The following ATP10B variants were observed in gnomAD, a reference collection of about 807,000 sequenced individuals.
The protein encoded by ATP10B is phospholipid-transporting ATPase VB.
In ATP10B, 122 loss-of-function variants were observed where a neutral mutation model predicts 141.2. The ratio of observed to expected loss-of-function variants is 0.86; its 90% confidence interval spans 0.75 to 1.00. The LOEUF is 1.00. ATP10B is among the 50% of genes least tolerant of loss of function. The probability of loss-of-function intolerance (pLI) is 0.00; values close to 1 mark genes in which losing one functional copy is unlikely to be tolerated. For synonymous variants in ATP10B, 685 were observed against 692.0 expected, an observed-to-expected ratio of 0.99 and a Z score of 0.16; for missense variants, 1,876 against 1,825.3, an observed-to-expected ratio of 1.03 and a Z score of -0.51.
the ATP10B span, among the ~76,000 whole-genome samples, chr5:160,919,605 A>G: frequency 2.0e-5 from 3 of 152,202 alleles, no homozygotes; most frequent in Non-Finnish European, 4.4e-5. Flanking sequence ...TGTATTTTGA[A>G]AAGATGATTC....
chr5:160,582,401 A>G (rs1322810891), intron 24 of ATP10B, among the ~76,000 whole-genome samples: 1 of 152,162 alleles, frequency 6.6e-6, no homozygotes, highest in East Asian at 1.9e-4. Context: ...TCCTTTGCTT[A>G]TGAAGCTTAG....
chr5:160,566,017 G>C lies in ATP10B; in HGVS notation c.3939-117C>G. The C allele has an allele frequency of 4.2e-6, 4 of 960,382 alleles. No homozygotes were observed. In the South Asian group the frequency reaches 5.1e-5, roughly 12 times the overall value. The allele number at this position is 960,382 out of a possible 1,614,324, so 59.5% of individuals were successfully genotyped here. A position where few individuals can be genotyped will look rare whatever the true frequency, so the allele number is the denominator to read the frequency against. On this transcript the variant is annotated intron_variant, in intron 25 of 25. Coordinates refer to ENST00000327245, the MANE Select transcript of ATP10B (RefSeq NM_025153.3). ...TGCCTGGAGCAAGATCCTCTTTACT[G>C]CTATTAAATCCATGTCTGGGCACCT...
chr5:160,599,165 C>T (rs1190512562), intron 21 of ATP10B, among the ~76,000 whole-genome samples, 195 bp from the exon 22 acceptor site: 1 of 152,216 alleles, frequency 6.6e-6, no homozygotes, highest in Non-Finnish European at 1.5e-5. Flanking sequence ...TTGCTACTAA[C>T]ATTCTTCAGG....
intron 24 of ATP10B, among the ~76,000 whole-genome samples, chr5:160,575,784 G>C (rs1755155296): frequency 6.6e-6 from 1 of 152,036 alleles, no homozygotes. Flanking sequence ...CATTGGCCAG[G>C]CTCTTTTGAC....
At chr5:160,775,346 C>A (rs2127866470) in intron 2 of ATP10B, among the ~76,000 whole-genome samples, 2 of 152,140 alleles carry the variant, frequency 1.3e-5, no homozygotes, top group Middle Eastern at 6.8e-3. Context: ...GTCAAAGTCC[C>A]ACTGCCTGAT....
the ATP10B span, among the ~76,000 whole-genome samples, chr5:160,926,814 C>T: frequency 6.6e-6 from 1 of 152,236 alleles, no homozygotes; most frequent in African/African-American, 2.4e-5. Flanking sequence ...CTAGAAGTCA[C>T]TTCCTCTGAT....
At chr5:160,818,656 C>A (rs1398494457) in intron 1 of ATP10B, among the ~76,000 whole-genome samples, 1 of 152,150 alleles carries the variant, frequency 6.6e-6, no homozygotes, top group Non-Finnish European at 1.5e-5. Flanking sequence ...TGGGTATATA[C>A]CCAAAGGATT....
At chr5:160,845,652 G>A (rs770034331) in intron 1 of ATP10B, among the ~76,000 whole-genome samples, 14 of 152,116 alleles carry the variant, frequency 9.2e-5, no homozygotes, top group Non-Finnish European at 1.5e-4. Flanking sequence ...ACCTGAAAGC[G>A]TAGAGCCCCC....
chr5:160,669,262 G>A (rs1762510567), intron 7 of ATP10B, among the ~76,000 whole-genome samples: 1 of 152,126 alleles, frequency 6.6e-6, no homozygotes, highest in Non-Finnish European at 1.5e-5. Context: ...ACTGTTCCCT[G>A]GTCTTTTACT....
intron 3 of ATP10B, among the ~76,000 whole-genome samples, chr5:160,714,606 C>T (rs1367322775): frequency 1.5e-5 from 2 of 129,946 alleles, no homozygotes; most frequent in African/African-American, 6.2e-5. Flanking sequence ...AAGCTTTCTT[C>T]TCTCAGCTCG....
At chr5:160,654,864 T>A (rs1761373477) in intron 7 of ATP10B, among the ~76,000 whole-genome samples, 1 of 152,168 alleles carries the variant, frequency 6.6e-6, no homozygotes, top group South Asian at 2.1e-4. Context: ...ACCATTATTA[T>A]CCCGATTTCA....
intron 22 of ATP10B, among the ~76,000 whole-genome samples, chr5:160,595,934 T>C (rs1215067981): frequency 6.6e-6 from 1 of 151,916 alleles, no homozygotes; most frequent in Non-Finnish European, 1.5e-5. Context: ...CAGGACCAGA[T>C]GGATTCACAG....
chr5:160,774,539 G>A (rs917086262), intron 2 of ATP10B, among the ~76,000 whole-genome samples: 1 of 152,172 alleles, frequency 6.6e-6, no homozygotes, highest in South Asian at 2.1e-4. Context: ...TATGTGCTTT[G>A]CCAGATTTGG....
At chr5:160,689,036 G>A (rs1323831523) in intron 3 of ATP10B, 93 bp from the exon 4 acceptor site, 4 of 635,144 alleles carry the variant, frequency 6.3e-6, no homozygotes, top group Non-Finnish European at 7.8e-6. Context: ...CACCACCATC[G>A]AGTCAGCTTC....
chr5:160,608,825 A>G (rs1336290067), intron 18 of ATP10B, among the ~76,000 whole-genome samples: 1 of 151,976 alleles, frequency 6.6e-6, no homozygotes, highest in Non-Finnish European at 1.5e-5. Flanking sequence ...TAGATTCTGG[A>G]TATTAGCCCT....
At chr5:160,762,026 C>G (rs4921329) in intron 2 of ATP10B, among the ~76,000 whole-genome samples, 3 of 151,844 alleles carry the variant, frequency 2.0e-5, no homozygotes, top group Non-Finnish European at 4.4e-5. Context: ...CCCACAAAGA[C>G]AATTTAAAAA....
At chr5:160,662,051 C>T (rs1427405753) in intron 7 of ATP10B, among the ~76,000 whole-genome samples, 1 of 152,058 alleles carries the variant, frequency 6.6e-6, no homozygotes, top group Non-Finnish European at 1.5e-5. Context: ...ACAATTGCTT[C>T]AAAAAGGAAT....
At chr5:160,839,569 G>C (rs1020021035) in intron 1 of ATP10B, among the ~76,000 whole-genome samples, 7 of 152,086 alleles carry the variant, frequency 4.6e-5, no homozygotes, top group African/African-American at 1.7e-4. Context: ...AGGAACATCA[G>C]ATAGAAAAAA....
chr5:160,730,488 G>A (rs1251990154), intron 2 of ATP10B, among the ~76,000 whole-genome samples: 5 of 151,848 alleles, frequency 3.3e-5, no homozygotes, highest in East Asian at 1.9e-4. Flanking sequence ...AGTTGTTAAC[G>A]ATGCATACTA....
Sources: gnomAD v4.1 joint callset for allele counts (sites outside exome capture counted in the v4.1 genomes callset) on GRCh38, gnomAD v4.1.1 for gene constraint, MANE v1.5 for transcripts, NCBI Gene and HGNC (gene_info 2026-07-23, HGNC 2026-07-21) for gene names.